The following MDGA1 variants were observed in gnomAD, a reference collection of about 807,000 sequenced individuals.
The protein encoded by MDGA1 is MAM domain containing glycosylphosphatidylinositol anchor 1, also known as MAM domain-containing glycosylphosphatidylinositol anchor protein 1.
In MDGA1, 54 loss-of-function variants were observed where a neutral mutation model predicts 101.5. That is an observed-to-expected ratio of 0.53 (90% CI 0.43 to 0.67). The LOEUF (loss-of-function observed/expected upper bound fraction) is 0.67. Among genes scored for constraint, MDGA1 ranks in the 30% least tolerant of loss-of-function variants. MDGA1 has a pLI of 0.00. For synonymous variants in MDGA1, 533 were observed against 558.3 expected, an observed-to-expected ratio of 0.95 and a Z score of 0.64; for missense variants, 1,083 against 1,323.8, an observed-to-expected ratio of 0.82 and a Z score of 2.82.
At chr6:37,646,151 G>C (rs751543327) in intron 11 of MDGA1, 47 bp downstream of exon 11, 15 of 1,554,402 alleles carry the variant, frequency 9.7e-6, no homozygotes, top group Non-Finnish European at 1.2e-5. Flanking sequence ...AGGGGTCCCT[G>C]GCCATGAGAT....
At chr6:37,689,899 A>G (rs62398399) in intron 1 of MDGA1, among the ~76,000 whole-genome samples, 15,163 of 152,190 alleles carry the variant, frequency 0.1, 1,046 homozygotes, top group South Asian at 0.19. Flanking sequence ...CCTACCATCT[A>G]TTCTCTACAT....
At chr6:37,682,872 C>T (rs1762126001) in intron 1 of MDGA1, among the ~76,000 whole-genome samples, 1 of 152,154 alleles carries the variant, frequency 6.6e-6, no homozygotes, top group Admixed American at 6.5e-5. Flanking sequence ...CTGCTCTGAG[C>T]CGGACTCATG....
chr6:37,644,372 C>G, intron 13 of MDGA1, 125 bp downstream of exon 13: 1 of 1,097,584 alleles, frequency 9.1e-7, no homozygotes, highest in Non-Finnish European at 1.2e-6. Context: ...CCAGAGCTCC[C>G]TGAGAACAGG....
chr6:37,638,976 T>G lies in MDGA1; in HGVS notation c.2537-309A>C. 3.5e-6 allele frequency: 1 copy of G among 283,396 alleles called. No individual in the cohort carries two copies. Among genetic ancestry groups the G allele is most frequent in the Non-Finnish European group, 7.0e-6 (1 of 143,514 alleles). 17.6% of individuals were successfully genotyped at this position (283,396 alleles called of 1,614,324 possible). On this transcript the variant is annotated intron_variant, in intron 14 of 16. Coordinates refer to ENST00000434837, the MANE Select transcript of MDGA1 (RefSeq NM_153487.4). This position sits in a 1 kb window ranked among gnomAD's most constrained non-coding sequence, Gnocchi z 4.8. ...CACACATGCACACACACCCTACCCT[T>G]CCCCTCTAGGCAAGGGAGCTGTCCC... is the stretch of plus-strand genomic sequence containing the variant.
chr6:37,640,659 T>C (rs1764047765), intron 14 of MDGA1, among the ~76,000 whole-genome samples: 1 of 151,964 alleles, frequency 6.6e-6, no homozygotes, highest in African/African-American at 2.4e-5. Context: ...GGATGTCCTC[T>C]GTAAAGGGAT....
intron 1 of MDGA1, among the ~76,000 whole-genome samples, chr6:37,691,931 G>A (rs961769307): frequency 2.0e-5 from 3 of 152,230 alleles, no homozygotes; most frequent in African/African-American, 7.2e-5. Flanking sequence ...AGGCTAAGCT[G>A]AGCCCCAGCA....
intron 1 of MDGA1, among the ~76,000 whole-genome samples, chr6:37,667,732 CTG>C (rs1761784666): frequency 6.6e-6 from 1 of 152,224 alleles, no homozygotes; most frequent in Non-Finnish European, 1.5e-5. Flanking sequence ...ATCTTGGACA[CTG>C]TGGCTTGCCT....
intron 1 of MDGA1, among the ~76,000 whole-genome samples, chr6:37,694,793 C>G (rs757101947): frequency 2.0e-5 from 3 of 152,270 alleles, no homozygotes; most frequent in Middle Eastern, 3.4e-3. Context: ...GCATGTCACC[C>G]AAGGGCCCAG....
intron 1 of MDGA1, 79 bp from the exon 2 acceptor site, chr6:37,664,185 T>G: frequency 1.9e-6 from 3 of 1,562,784 alleles, no homozygotes; most frequent in Non-Finnish European, 2.6e-6. Context: ...CTCCTGAGTG[T>G]ATCTGGGAGG....
At chr6:37,639,661 A>C (rs1764017814) in intron 14 of MDGA1, 1 of 152,158 alleles carries the variant, frequency 6.6e-6, no homozygotes, top group South Asian at 2.1e-4. Flanking sequence ...CCCTCCCTCA[A>C]GGAAGTCCCT....
chr6:37,664,842 GACACACACACACACACACACAC>G (rs35594367), intron 1 of MDGA1, among the ~76,000 whole-genome samples: 3,303 of 55,244 alleles, frequency 0.06, 84 homozygotes, highest in Non-Finnish European at 0.075. Flanking sequence ...CCTAACCTAA[GACACACACACACACACACACAC>G]ACACACACAC....
In MDGA1 at chr6:37,696,317, G is replaced by A. The variant is rs748743502; in HGVS notation, c.67+428C>T. Among the ~76,000 whole-genome samples the A allele has an allele frequency of 8.5e-5, 13 of 152,142 alleles. 1 individual carries two copies. Among genetic ancestry groups the A allele is most frequent in the Admixed American group, 6.5e-5 (1 of 15,286 alleles). ...GAGCCCGCCGCCCGGCCTTGGTGCT[G>A]ACAGCCGGCTCGCCCGCAAGCCGCG... On this transcript the variant is annotated intron_variant, in intron 1 of 16. Transcript: ENST00000434837. This position sits in a 1 kb window ranked among gnomAD's most constrained non-coding sequence, Gnocchi z 5.6.
rs1169152443 is a variant in MDGA1 at position 37,648,826 on chromosome 6, G to C, written c.1894+156C>G. On this transcript the variant is annotated intron_variant, in intron 9 of 16. Coordinates refer to ENST00000434837, the MANE Select transcript of MDGA1 (RefSeq NM_153487.4). ...CGGGGCGGGGCCTGGCCTTGGCGTG[G>C]GCGGGTCTTGGAAAGGCCGGGGCTA... 3.9e-5 allele frequency among the ~76,000 whole-genome samples: 6 copies of C among 152,322 alleles called. No individual in the cohort carries two copies. The East Asian group carries it at 9.7e-4, about 25-fold the overall frequency.
In MDGA1 at chr6:37,633,265, A is replaced by G. The variant is rs910506564; in HGVS notation, c.*4103T>C. ...GACACACACGCACAGCACTGACTCG[A>G]TAGAGAGGCGGGTGCTTCCCGGCCT... On this transcript the variant is annotated 3_prime_UTR_variant, in exon 17 of 17. Coordinates refer to ENST00000434837, the MANE Select transcript of MDGA1 (RefSeq NM_153487.4). 1 of 152,454 alleles carries G rather than the reference A, an allele frequency of 6.6e-6. No individual in the cohort carries two copies. Among genetic ancestry groups the G allele is most frequent in the Non-Finnish European group, 1.5e-5 (1 of 68,276 alleles). The allele number at this position is 152,454 out of a possible 1,614,324, so 9.4% of individuals were successfully genotyped here.
intron 1 of MDGA1, among the ~76,000 whole-genome samples, chr6:37,674,413 G>A (rs1320846304): frequency 6.6e-6 from 1 of 152,250 alleles, no homozygotes; most frequent in East Asian, 1.9e-4. Flanking sequence ...TCCATTTGCA[G>A]AGCCTGCCAC....
intron 2 of MDGA1, among the ~76,000 whole-genome samples, chr6:37,660,782 T>C (rs1299817638): frequency 6.6e-6 from 1 of 152,196 alleles, no homozygotes; most frequent in Non-Finnish European, 1.5e-5. Flanking sequence ...TGGCACTGTA[T>C]TTTTTAATAT....
intron 1 of MDGA1, among the ~76,000 whole-genome samples, chr6:37,681,772 C>T (rs536694941): frequency 6.6e-6 from 1 of 152,282 alleles, no homozygotes; most frequent in Non-Finnish European, 1.5e-5. Context: ...ACACACTGAT[C>T]TCCAACAGAA....
chr6:37,635,389 CACAGATGGGACAG>C lies in MDGA1; in HGVS notation c.*1966_*1978del, dbSNP rs1272290135. ...AGTCTAGTTGGGGCAATGGACTCTGCACAGATGGGACAGTTAAGGAACAATACCCGACAGACGC... is the reference window on the plus strand; with the variant it reads ...AGTCTAGTTGGGGCAATGGACTCTGCTTAAGGAACAATACCCGACAGACGC... On this transcript the variant is annotated 3_prime_UTR_variant, in exon 17 of 17. Coordinates refer to ENST00000434837, the MANE Select transcript of MDGA1 (RefSeq NM_153487.4). 2.5e-6 allele frequency: 1 copy of C among 398,006 alleles called. No individual in the cohort carries two copies. The highest frequency in any genetic ancestry group is 4.4e-6 in the Non-Finnish European group (1 of 226,116). The allele number at this position is 398,006 out of a possible 1,614,324, so 24.7% of individuals were successfully genotyped here.
intron 6 of MDGA1, 103 bp downstream of exon 6, chr6:37,654,171 G>A (rs1761428303): frequency 3.0e-6 from 4 of 1,334,296 alleles, no homozygotes; most frequent in African/African-American, 3.0e-5. Context: ...CATCTACCAA[G>A]GAGAAGCAGA....
Sources: allele counts gnomAD v4.1 joint callset (sites outside exome capture counted in the v4.1 genomes callset), GRCh38; gene constraint gnomAD v4.1.1; non-coding constraint Gnocchi (gnomAD v3.1); transcripts MANE v1.5; gene names NCBI Gene and HGNC (gene_info 2026-07-23, HGNC 2026-07-21).